ABRAXAS1: variants seen among roughly 807,000 people sequenced by gnomAD.
ABRAXAS1 encodes abraxas 1, BRCA1 A complex subunit.
A neutral mutation model predicts 38.4 loss-of-function variants in ABRAXAS1; 26 were observed. The observed-to-expected ratio is 0.68, with a 90% CI of 0.50 to 0.94. The LOEUF is 0.94. Among genes scored for constraint, ABRAXAS1 ranks in the 40% least tolerant of loss-of-function variants. The pLI is 0.00. For synonymous variants in ABRAXAS1, 144 were observed against 165.5 expected (o/e 0.87, Z 1.00); for missense variants, 438 against 481.9 (o/e 0.91, Z 0.85).
chr4:83,470,450 T>C (rs1452825512), intron 4 of ABRAXAS1, 54 bp from the exon 5 acceptor site: 1 of 1,237,042 alleles, frequency 8.1e-7, no homozygotes, highest in Non-Finnish European at 1.1e-6. Context: ...TGATATGTCT[T>C]ACTATTATAA....
Position 83,461,010 on chromosome 4 carries a change from A to G in ABRAXAS1, c.*1459T>C, listed in dbSNP as rs377741260. On this transcript the variant is annotated 3_prime_UTR_variant, in exon 9 of 9. Coordinates refer to ENST00000321945, the MANE Select transcript of ABRAXAS1 (RefSeq NM_139076.3). ...AGAAACAGAAAGAAATCACAAAAGC[A>G]ATTAAGAGAGCTCAAATAATGGGTA... 15 of 1,611,786 alleles carry G rather than the reference A, an allele frequency of 9.3e-6. No homozygotes were observed. Among genetic ancestry groups the G allele is most frequent in the Non-Finnish European group, 1.3e-5 (15 of 1,179,264 alleles).
In ABRAXAS1 at chr4:83,459,871, AC is replaced by A. The variant is rs1722014741; in HGVS notation, c.*2597del. 1 of 1,322,278 alleles carries A rather than the reference AC, an allele frequency of 7.6e-7. No homozygotes were observed. Among genetic ancestry groups the A allele is most frequent in the South Asian group, 1.3e-5 (1 of 75,800 alleles). 81.9% of individuals were successfully genotyped at this position (1,322,278 alleles called of 1,614,324 possible). Reference sequence around the variant, plus strand: ...CAATCTATTTCTATCATTTAAGAAAACTCAAATTTTCAAATTGTGCTATAAA... The same window carrying A: ...CAATCTATTTCTATCATTTAAGAAAATCAAATTTTCAAATTGTGCTATAAA... On this transcript the variant is annotated 3_prime_UTR_variant, in exon 9 of 9. Coordinates refer to ENST00000321945, the MANE Select transcript of ABRAXAS1 (RefSeq NM_139076.3).
At chr4:83,463,406 C>G (rs1214188560) in intron 8 of ABRAXAS1, 88 bp downstream of exon 8, 19 of 928,674 alleles carry the variant, frequency 2.0e-5, no homozygotes, top group Non-Finnish European at 2.7e-5. Flanking sequence ...GCACTCCAAC[C>G]TAGGCGACAG....
chr4:83,470,447 TCTTA>T (rs1193531513), intron 4 of ABRAXAS1, 51 bp from the exon 5 acceptor site: 10 of 1,267,072 alleles, frequency 7.9e-6, no homozygotes, highest in East Asian at 7.4e-5. Context: ...CAATGATATG[TCTTA>T]CTATTATAAT....
intron 6 of ABRAXAS1, among the ~76,000 whole-genome samples, chr4:83,468,134 C>T (rs915021199): frequency 2.0e-5 from 3 of 151,822 alleles, no homozygotes; most frequent in African/African-American, 7.3e-5. Flanking sequence ...GAAACCCCGT[C>T]TCTACTAAAA....
Position 83,462,393 on chromosome 4 carries a change from A to T in ABRAXAS1, c.*76T>A, listed in dbSNP as rs1578121897. On this transcript the variant is annotated 3_prime_UTR_variant, in exon 9 of 9. Coordinates refer to ENST00000321945, the MANE Select transcript of ABRAXAS1 (RefSeq NM_139076.3). ...AAATGAACTTACTGCAAGTAGCTCA[A>T]CATAGTAAAAACAATAGAAATGTTT... The T allele has an allele frequency of 4.6e-6, 6 of 1,317,078 alleles. No homozygotes were observed. In the East Asian group the frequency reaches 1.4e-4, roughly 30 times the overall value. The allele number at this position is 1,317,078 out of a possible 1,614,324, so 81.6% of individuals were successfully genotyped here.
chr4:83,465,278 C>T (rs1452118176), intron 7 of ABRAXAS1, among the ~76,000 whole-genome samples: 5 of 118,140 alleles, frequency 4.2e-5, no homozygotes, highest in East Asian at 5.6e-4. Flanking sequence ...CCAGTCCAGG[C>T]GACACACTGA....
intron 2 of ABRAXAS1, 146 bp downstream of exon 2, chr4:83,482,008 G>A (rs1373282877): frequency 5.9e-6 from 3 of 510,972 alleles, no homozygotes; most frequent in Non-Finnish European, 1.0e-5. Context: ...GCCTCCCAAA[G>A]TGCTGGGATT....
At chr4:83,484,212 T>A (rs938904085) in intron 1 of ABRAXAS1, 1 of 985,114 alleles carries the variant, frequency 1.0e-6, no homozygotes, top group Non-Finnish European at 1.2e-6. Flanking sequence ...TATCTTAAAA[T>A]GAACTTAGCA....
intron 5 of ABRAXAS1, 50 bp downstream of exon 5, chr4:83,470,153 G>C: frequency 7.1e-7 from 1 of 1,416,878 alleles, no homozygotes; most frequent in African/African-American, 1.4e-5. Flanking sequence ...CTAAGTATTA[G>C]ATATATTTTT....
chr4:83,460,889 C>T lies in ABRAXAS1; in HGVS notation c.*1580G>A. On this transcript the variant is annotated 3_prime_UTR_variant, in exon 9 of 9. Transcript: ENST00000321945. ...CCACTGTACTCCAGCCTGGGTGACA[C>T]AGGGAGACTCCATCTCAAAAAAAAA... 1 of 1,168,764 alleles carries T rather than the reference C, an allele frequency of 8.6e-7. No individual in the cohort carries two copies. The highest frequency in any genetic ancestry group is 1.4e-5 in the South Asian group (1 of 73,868). 72.4% of individuals were successfully genotyped at this position (1,168,764 alleles called of 1,614,324 possible). A position where few individuals can be genotyped will look rare whatever the true frequency, so the allele number is the denominator to read the frequency against.
intron 7 of ABRAXAS1, among the ~76,000 whole-genome samples, chr4:83,464,306 A>C (rs1042850763): frequency 6.6e-6 from 1 of 152,232 alleles, no homozygotes; most frequent in Admixed American, 6.5e-5. Flanking sequence ...ACTATTACGA[A>C]AGGATACTAT....
chr4:83,478,909 C>G (rs181487891), intron 2 of ABRAXAS1: 97 of 152,274 alleles, frequency 6.4e-4, no homozygotes, highest in African/African-American at 2.3e-3. Context: ...AATGTGATTA[C>G]AAATCACTAA....
intron 2 of ABRAXAS1, chr4:83,477,977 CA>C: frequency 1.1e-6 from 1 of 942,516 alleles, no homozygotes; most frequent in Non-Finnish European, 1.7e-6. Context: ...AAGTTTGTTC[CA>C]AGGGAGCATG....
Position 83,462,782 on chromosome 4 carries a change from A to G in ABRAXAS1, c.917T>C (p.Val306Ala), listed in dbSNP as rs138986552. 274 of 1,614,062 alleles carry G rather than the reference A, an allele frequency of 1.7e-4. 1 individual carries two copies. The African/African-American group carries it at 3.2e-3, about 19-fold the overall frequency. ...GTTGTAGTTACAGCTACTTTTAGAA[A>G]CATGTCTATTTTTTAAAGACATAAC... ...SCVMSLKNRH[V>A]SKSSCNYNHH... Residue 306 changes from valine to alanine, a missense_variant, in exon 9 of 9, where the codon GTT becomes GCT. Around this residue, in one of 3 missense-constraint regions of ABRAXAS1, gnomAD observed 184 missense variants for 181.9 expected, o/e 1.01. Transcript: ENST00000321945.
Position 83,484,257 on chromosome 4 carries a change from C to T in ABRAXAS1, c.87+729G>A, listed in dbSNP as rs982408757. 4.0e-5 allele frequency: 38 copies of T among 955,000 alleles called. No individual in the cohort carries two copies. In the African/African-American group the frequency reaches 6.6e-4, roughly 16 times the overall value. The allele number at this position is 955,000 out of a possible 1,614,324, so 59.2% of individuals were successfully genotyped here. A position where few individuals can be genotyped will look rare whatever the true frequency, so the allele number is the denominator to read the frequency against. On this transcript the variant is annotated intron_variant, in intron 1 of 8. Transcript: ENST00000321945. Reference sequence around the variant, plus strand: ...AGGCATTGTTCAGCAGGGTATTCTCCGAACTGTACCACACAGCAGGGAAGT... The same window carrying T: ...AGGCATTGTTCAGCAGGGTATTCTCTGAACTGTACCACACAGCAGGGAAGT...
Position 83,459,581 on chromosome 4 carries a change from G to T in ABRAXAS1, c.*2888C>A. ...ACACTGGATAGAAAATATTTAAAAG[G>T]TAACAGGAGGATAACAATATTTTTT... On this transcript the variant is annotated 3_prime_UTR_variant, in exon 9 of 9. Transcript: ENST00000321945. 3.3e-6 allele frequency: 2 copies of T among 609,408 alleles called. No individual in the cohort carries two copies. The highest frequency in any genetic ancestry group is 4.5e-5 in the South Asian group (2 of 44,684). The allele number at this position is 609,408 out of a possible 1,614,324, so 37.8% of individuals were successfully genotyped here.
chr4:83,466,660 C>A (rs139783404), intron 7 of ABRAXAS1, among the ~76,000 whole-genome samples: 2,301 of 152,176 alleles, frequency 0.015, 51 homozygotes, highest in African/African-American at 0.052. Flanking sequence ...CTCAGCCACC[C>A]GAGTAGCTGG....
rs1722088163 is a variant in ABRAXAS1, at chr4:83,461,080, C to T, written c.*1389G>A. ...CTGAATTGAGCTAGCTGAAATTTTG[C>T]TCATTATGTTTTGTCAAGAACTTTA... On this transcript the variant is annotated 3_prime_UTR_variant, in exon 9 of 9. Coordinates refer to ENST00000321945, the MANE Select transcript of ABRAXAS1 (RefSeq NM_139076.3). The T allele has an allele frequency of 1.9e-6, 3 of 1,612,110 alleles. No individual in the cohort carries two copies. The highest frequency in any genetic ancestry group is 2.5e-6 in the Non-Finnish European group (3 of 1,178,412).
Sources: allele counts gnomAD v4.1 joint callset (sites outside exome capture counted in the v4.1 genomes callset), GRCh38; gene constraint gnomAD v4.1.1; regional missense constraint gnomAD v4.1.1; transcripts MANE v1.5; gene names NCBI Gene and HGNC (gene_info 2026-07-23, HGNC 2026-07-21).